HERC2: variants seen among roughly 807,000 people sequenced by gnomAD.
The protein encoded by HERC2 is HECT and RLD domain containing E3 ubiquitin protein ligase 2, also known as E3 ubiquitin-protein ligase HERC2.
HERC2 carries 102 observed loss-of-function variants against 537.7 expected under a neutral mutation model. The ratio of observed to expected loss-of-function variants is 0.19; its 90% CI spans 0.16 to 0.22. The LOEUF (loss-of-function observed/expected upper bound fraction) is 0.22, where lower values mean the gene tolerates loss of function less well. HERC2 is among the 10% of genes least tolerant of loss of function. The pLI, the probability that HERC2 is intolerant of heterozygous loss-of-function variation, is 1.00. For missense variants in HERC2, 4,236 were observed against 6,198.2 expected (o/e 0.68, Z 10.63); for synonymous variants, 2,224 against 2,466.2 (o/e 0.90, Z 2.91).
In HERC2 at chr15:28,215,665, C is replaced by G; in HGVS notation, c.6166G>C (p.Val2056Leu). 6.2e-7 allele frequency: 1 copy of G among 1,611,830 alleles called. No homozygotes were observed. The highest frequency in any genetic ancestry group is 8.5e-7 in the Non-Finnish European group (1 of 1,179,728). The change falls in exon 39 of 93, where the codon GTG becomes CTG. Residue 2056 changes from valine to leucine, a missense_variant. Val to Leu is a conservative substitution (Grantham distance 32). This residue lies in a region of HERC2 where 365 missense variants were observed against 468.8 expected (regional missense o/e 0.78). Coordinates refer to ENST00000261609, the MANE Select transcript of HERC2 (RefSeq NM_004667.6). ...PQWITLLMKV[V>L]EGHAPFTATS... ...GCAGTGAAGGGTGCGTGCCCTTCCA[C>G]GACCTTCATGAGCAGCGTGATCCAC...
rs563038787 is a variant in HERC2, at chr15:28,272,832, G to C, written c.911+62C>G. 1.1e-4 allele frequency: 116 copies of C among 1,077,292 alleles called. No homozygotes were observed. In the South Asian group the frequency reaches 1.5e-3, roughly 14 times the overall value. The allele number at this position is 1,077,292 out of a possible 1,614,324, so 66.7% of individuals were successfully genotyped here. A position where few individuals can be genotyped will look rare whatever the true frequency, so the allele number is the denominator to read the frequency against. ...AACGATTCAGTGAAACACACACAAT[G>C]CAACAGGTATTTCCATACACAGGCG... On this transcript the variant is annotated intron_variant, in intron 8 of 92. Coordinates refer to ENST00000261609, the MANE Select transcript of HERC2 (RefSeq NM_004667.6).
intron 2 of HERC2, among the ~76,000 whole-genome samples, chr15:28,307,066 C>G (rs997381204): frequency 3.9e-5 from 6 of 152,226 alleles, no homozygotes; most frequent in East Asian, 3.8e-4. Flanking sequence ...AACTCCTGAC[C>G]TCAAGTGACC....
chr15:28,157,543 T>C (rs1596079090), intron 69 of HERC2, among the ~76,000 whole-genome samples: 2 of 152,352 alleles, frequency 1.3e-5, no homozygotes, highest in African/African-American at 2.4e-5. Context: ...GAGGTGTTTG[T>C]AGTATTCTCT....
intron 14 of HERC2, among the ~76,000 whole-genome samples, chr15:28,264,352 C>T (rs1281213006): frequency 6.6e-6 from 1 of 152,164 alleles, no homozygotes; most frequent in African/African-American, 2.4e-5. Flanking sequence ...AAAATGGAAA[C>T]TGGAGATGAC....
intron 20 of HERC2, among the ~76,000 whole-genome samples, chr15:28,250,358 C>T (rs1287517866): frequency 5.9e-5 from 9 of 152,132 alleles, no homozygotes; most frequent in Non-Finnish European, 1.3e-4. Context: ...TGATACCCTG[C>T]CTGGATAACA....
chr15:28,182,314 T>C (rs1322156989), intron 57 of HERC2, 87 bp downstream of exon 57: 5 of 808,210 alleles, frequency 6.2e-6, no homozygotes, highest in Non-Finnish European at 1.1e-5. Flanking sequence ...ATACAACATA[T>C]AGAGAGTAAA....
chr15:28,141,635 A>G lies in HERC2; in HGVS notation c.11817-5T>C. The stretch of plus-strand genomic sequence containing the variant: ...AGAGTCCAGTCATCTGGTCGCCTAC[A>G]ATACACATCAAGTGAGCATTTGCCA... On this transcript the variant is annotated splice_polypyrimidine_tract_variant and splice_region_variant and intron_variant, in intron 77 of 92. Transcript: ENST00000261609. 6.2e-7 allele frequency: 1 copy of G among 1,614,194 alleles called. No homozygotes were observed. The highest frequency in any genetic ancestry group is 8.5e-7 in the Non-Finnish European group (1 of 1,180,046).
rs534539896 is a variant in HERC2, at chr15:28,298,576, A to C, written c.187+826T>G. The C allele has an allele frequency of 3.1e-3, 471 of 151,518 alleles. 1 individual carries two copies. Among genetic ancestry groups the C allele is most frequent in the Admixed American group, 6.7e-3 (102 of 15,200 alleles). 9.4% of individuals were successfully genotyped at this position (151,518 alleles called of 1,614,324 possible). On this transcript the variant is annotated intron_variant, in intron 3 of 92. Coordinates refer to ENST00000261609, the MANE Select transcript of HERC2 (RefSeq NM_004667.6). ...TTTGGGAGGCTGAGGCGGGCGGATCACGAGGTCAGGAGCTCGAGACCATCC... is the reference window on the plus strand; with the variant it reads ...TTTGGGAGGCTGAGGCGGGCGGATCCCGAGGTCAGGAGCTCGAGACCATCC...
At chr15:28,114,839 A>C in intron 89 of HERC2, 37 bp from the exon 90 acceptor site, 2 of 1,575,928 alleles carry the variant, frequency 1.3e-6, no homozygotes, top group Non-Finnish European at 1.7e-6. Flanking sequence ...GTGTCGACTC[A>C]CGGCTCATCT....
chr15:28,120,844 C>G (rs758053461), intron 86 of HERC2, among the ~76,000 whole-genome samples: 1 of 152,334 alleles, frequency 6.6e-6, no homozygotes, highest in African/African-American at 2.4e-5. Context: ...GGCACGGCCC[C>G]CCAGCACCAT....
intron 2 of HERC2, among the ~76,000 whole-genome samples, chr15:28,318,674 T>G (rs754852095): frequency 2.3e-4 from 35 of 152,100 alleles, no homozygotes; most frequent in South Asian, 8.4e-4. Context: ...AATAACCACA[T>G]ATATATGCCT....
At chr15:28,289,871 C>A (rs559093590) in intron 4 of HERC2, among the ~76,000 whole-genome samples, 1 of 152,052 alleles carries the variant, frequency 6.6e-6, no homozygotes, top group Non-Finnish European at 1.5e-5. Flanking sequence ...AGTGAAAGGA[C>A]GACACATCTG....
chr15:28,309,515 T>C (rs2076882270), intron 2 of HERC2, among the ~76,000 whole-genome samples: 1 of 152,190 alleles, frequency 6.6e-6, no homozygotes, highest in South Asian at 2.1e-4. Context: ...CTCTCCCTTT[T>C]TCCATCCCCC....
chr15:28,169,161 G>A (rs1227141438), intron 66 of HERC2, among the ~76,000 whole-genome samples: 1 of 152,254 alleles, frequency 6.6e-6, no homozygotes, highest in Admixed American at 6.5e-5. Flanking sequence ...CGAAGGGGAT[G>A]CTAAGTCGTC....
chr15:28,282,800 C>T (rs532180078), intron 4 of HERC2, among the ~76,000 whole-genome samples: 6 of 151,962 alleles, frequency 3.9e-5, no homozygotes, highest in East Asian at 3.9e-4. Flanking sequence ...GGCATGGTGG[C>T]GGGCACCTAT....
At chr15:28,126,225 T>C (rs1595994745) in intron 83 of HERC2, among the ~76,000 whole-genome samples, 1 of 152,200 alleles carries the variant, frequency 6.6e-6, no homozygotes, top group Non-Finnish European at 1.5e-5. Flanking sequence ...ACATTGAGAT[T>C]TTCCCCCACT....
At chr15:28,304,366 C>CTTTTTTTTTTT (rs567606595) in intron 2 of HERC2, among the ~76,000 whole-genome samples, 1 of 137,428 alleles carries the variant, frequency 7.3e-6, no homozygotes. Flanking sequence ...TTTATTTCTT[C>CTTTTTTTTTTT]TTTTTTTTTT....
intron 21 of HERC2, among the ~76,000 whole-genome samples, chr15:28,247,875 T>C (rs1403974092): frequency 6.6e-6 from 1 of 152,148 alleles, no homozygotes; most frequent in Non-Finnish European, 1.5e-5. Context: ...TAAGTTACTT[T>C]GGGAAAAAAA....
At chr15:28,171,036 G>T (rs1894644002) in intron 65 of HERC2, among the ~76,000 whole-genome samples, 3 of 152,184 alleles carry the variant, frequency 2.0e-5, no homozygotes, top group South Asian at 4.1e-4. Context: ...AATATAAAAT[G>T]GCACAGCCAT....
Sources: allele counts gnomAD v4.1 joint callset (sites outside exome capture counted in the v4.1 genomes callset), GRCh38; gene constraint gnomAD v4.1.1; regional missense constraint gnomAD v4.1.1; transcripts MANE v1.5; gene names NCBI Gene and HGNC (gene_info 2026-07-23, HGNC 2026-07-21).